PPFIA2: variants seen among roughly 807,000 people sequenced by gnomAD.
The protein encoded by PPFIA2 is PPFI scaffold protein A2.
A neutral mutation model predicts 175.5 loss-of-function variants in PPFIA2; 46 were observed. The observed-to-expected ratio is 0.26, with a 90% CI of 0.21 to 0.34. The LOEUF is 0.34. Ranked by LOEUF, PPFIA2 falls within the 10% of genes least tolerant of loss-of-function variation. The pLI is 1.00. For missense variants in PPFIA2, 1,179 were observed against 1,506.1 expected (o/e 0.78, Z 3.60); for synonymous variants, 568 against 511.4 (o/e 1.11, Z -1.49).
chr12:81,491,958 T>A (rs1422860131), intron 4 of PPFIA2, among the ~76,000 whole-genome samples: 4 of 152,022 alleles, frequency 2.6e-5, no homozygotes, highest in Non-Finnish European at 5.9e-5. Flanking sequence ...CACCCTTCAA[T>A]GTTTCTAAAT....
chr12:81,284,085 G>A, intron 25 of PPFIA2, 156 bp downstream of exon 25: 1 of 608,584 alleles, frequency 1.6e-6, no homozygotes. Context: ...TCAAGAGAGT[G>A]CAGTAAAAGA....
intron 4 of PPFIA2, among the ~76,000 whole-genome samples, chr12:81,526,613 A>G (rs1187064638): frequency 6.6e-6 from 1 of 152,208 alleles, no homozygotes; most frequent in Non-Finnish European, 1.5e-5. Context: ...TCATTCAACT[A>G]ATTATTTACA....
chr12:81,558,548 G>T (rs1459343253), intron 4 of PPFIA2, among the ~76,000 whole-genome samples: 1 of 152,134 alleles, frequency 6.6e-6, no homozygotes, highest in African/African-American at 2.4e-5. Context: ...TCGCACATTG[G>T]TGGTAGTGGA....
intron 4 of PPFIA2, among the ~76,000 whole-genome samples, chr12:81,558,923 C>G (rs572849005): frequency 6.6e-6 from 1 of 152,040 alleles, no homozygotes; most frequent in Admixed American, 6.6e-5. Flanking sequence ...AAAATATAGT[C>G]CCTTCTAAAC....
intron 4 of PPFIA2, among the ~76,000 whole-genome samples, chr12:81,590,069 T>C (rs2058496487): frequency 6.6e-6 from 1 of 152,182 alleles, no homozygotes; most frequent in Non-Finnish European, 1.5e-5. Context: ...CTGCCATTCA[T>C]AAGCATGAAT....
At chr12:81,542,393 T>C (rs1229363042) in intron 4 of PPFIA2, among the ~76,000 whole-genome samples, 4 of 152,162 alleles carry the variant, frequency 2.6e-5, no homozygotes, top group Non-Finnish European at 5.9e-5. Context: ...AATAAATTTA[T>C]ATCGTTTTAA....
chr12:81,427,196 C>T (rs966052211), intron 7 of PPFIA2, among the ~76,000 whole-genome samples: 2 of 151,732 alleles, frequency 1.3e-5, no homozygotes, highest in Admixed American at 1.3e-4. Context: ...CAGTTTTATA[C>T]AGGAGGAAAT....
chr12:81,269,692 AT>A (rs941750481), intron 28 of PPFIA2, among the ~76,000 whole-genome samples: 55 of 152,050 alleles, frequency 3.6e-4, no homozygotes, highest in African/African-American at 1.2e-3. Flanking sequence ...TGCCCGATTT[AT>A]TTTTTTTAGC....
chr12:81,463,817 T>C (rs2055092222), intron 4 of PPFIA2, among the ~76,000 whole-genome samples: 1 of 152,126 alleles, frequency 6.6e-6, no homozygotes, highest in Non-Finnish European at 1.5e-5. Flanking sequence ...GTAATTCAGC[T>C]CATGGTGTAA....
At chr12:81,276,383 G>A (rs751299446) in intron 28 of PPFIA2, among the ~76,000 whole-genome samples, 8 of 152,218 alleles carry the variant, frequency 5.3e-5, no homozygotes, top group East Asian at 1.9e-4. Context: ...ATATATCCAT[G>A]TAAGAAAACC....
chr12:81,558,959 A>T (rs540107085), intron 4 of PPFIA2, among the ~76,000 whole-genome samples: 1 of 152,210 alleles, frequency 6.6e-6, no homozygotes, highest in Admixed American at 6.5e-5. Context: ...ACTTATTCTG[A>T]TAAGTTCTTG....
chr12:81,525,986 A>T (rs1281922923), intron 4 of PPFIA2, among the ~76,000 whole-genome samples: 1 of 152,230 alleles, frequency 6.6e-6, no homozygotes, highest in Non-Finnish European at 1.5e-5. Context: ...AAAAATATAA[A>T]ATTAGAAAAT....
chr12:81,743,411 C>CAAAAAAAAAAAAAAAA (rs772497730), intron 3 of PPFIA2, among the ~76,000 whole-genome samples: 1 of 24,854 alleles, frequency 4.0e-5, no homozygotes, highest in African/African-American at 1.8e-4. Context: ...GACTCCGTCT[C>CAAAAAAAAAAAAAAAA]AAAAAAAAAA....
At chr12:81,634,134 G>A (rs1020815458) in intron 4 of PPFIA2, among the ~76,000 whole-genome samples, 4 of 152,062 alleles carry the variant, frequency 2.6e-5, no homozygotes, top group African/African-American at 7.2e-5. Context: ...TTCCAGAAAT[G>A]TCTGTAACAT....
intron 4 of PPFIA2, chr12:81,546,225 C>T (rs2066973997): frequency 6.6e-6 from 1 of 151,890 alleles, no homozygotes; most frequent in Non-Finnish European, 1.5e-5. Context: ...GACCATACAA[C>T]CTAAGTTATA....
At chr12:81,706,836 G>T (rs192027028) in intron 3 of PPFIA2, among the ~76,000 whole-genome samples, 135 of 152,236 alleles carry the variant, frequency 8.9e-4, no homozygotes, top group African/African-American at 3.2e-3. Flanking sequence ...CAGATCAATG[G>T]AACAGAACAG....
At chr12:81,618,940 T>C (rs1176126300) in intron 4 of PPFIA2, among the ~76,000 whole-genome samples, 1 of 152,142 alleles carries the variant, frequency 6.6e-6, no homozygotes, top group Non-Finnish European at 1.5e-5. Flanking sequence ...CTAGGCTTTA[T>C]ATTAAGCATT....
At chr12:81,637,413 C>CT (rs1262364739) in intron 4 of PPFIA2, among the ~76,000 whole-genome samples, 3 of 151,550 alleles carry the variant, frequency 2.0e-5, no homozygotes, top group African/African-American at 4.9e-5. Context: ...CAACAATTTC[C>CT]TTTTTTCTAG....
At chr12:81,262,253 T>C (rs1285544517) in intron 31 of PPFIA2, among the ~76,000 whole-genome samples, 1 of 152,198 alleles carries the variant, frequency 6.6e-6, no homozygotes, top group Non-Finnish European at 1.5e-5. Context: ...TGAGTTGTTA[T>C]GTATTCTTCC....
Sources: allele counts gnomAD v4.1 joint callset (sites outside exome capture counted in the v4.1 genomes callset), GRCh38; gene constraint gnomAD v4.1.1; transcripts MANE v1.5; gene names NCBI Gene and HGNC (gene_info 2026-07-23, HGNC 2026-07-21).